The following OR51B5 variants were observed in gnomAD, a reference collection of about 807,000 sequenced individuals.
The protein encoded by OR51B5 is olfactory receptor family 51 subfamily B member 5, also known as olfactory receptor 51B5.
For synonymous variants in OR51B5, 186 were observed against 144.8 expected (o/e 1.28, Z -2.04); for missense variants, 456 against 374.6 (o/e 1.22, Z -1.79).
At chr11:5,413,072 C>A (rs370847729) in intron 1 of OR51B5, among the ~76,000 whole-genome samples, 1 of 152,216 alleles carries the variant, frequency 6.6e-6, no homozygotes, top group East Asian at 1.9e-4. Context: ...CGGCCTGATA[C>A]TCCTCTGAGA....
chr11:5,422,828 A>G (rs765775710), intron 1 of OR51B5: 2 of 1,611,988 alleles, frequency 1.2e-6, no homozygotes, highest in Non-Finnish European at 1.7e-6. Flanking sequence ...GCTCATTATT[A>G]TCGTGGATCC....
intron 1 of OR51B5, among the ~76,000 whole-genome samples, chr11:5,498,283 G>A (rs1481809756): frequency 6.6e-6 from 1 of 152,170 alleles, no homozygotes; most frequent in African/African-American, 2.4e-5. Flanking sequence ...GTAGTTCCTG[G>A]ACTATGCCAA....
At chr11:5,446,449 G>A (rs1850765229) in intron 1 of OR51B5, among the ~76,000 whole-genome samples, 3 of 151,990 alleles carry the variant, frequency 2.0e-5, no homozygotes, top group Admixed American at 2.0e-4. Flanking sequence ...AATGAAAAAA[G>A]GATGAAGCAA....
At chr11:5,342,801 G>A (rs1848917710) in exon 1 of OR51B5, 1 of 1,613,492 alleles carries the variant, frequency 6.2e-7, no homozygotes, top group Non-Finnish European at 8.5e-7. Context: ...CAGCAGATAT[G>A]GGAGACACAG....
chr11:5,505,472 G>A (rs891118469), intron 1 of OR51B5: 1 of 1,298,098 alleles, frequency 7.7e-7, no homozygotes, highest in Non-Finnish European at 1.0e-6. Context: ...AGTGGAGTGA[G>A]GGGAAACTGA....
chr11:5,413,122 G>A (rs1037670613), intron 1 of OR51B5, among the ~76,000 whole-genome samples: 3 of 152,220 alleles, frequency 2.0e-5, no homozygotes, highest in Admixed American at 6.5e-5. Context: ...AGCATTCGCG[G>A]TTCACGAAAA....
At chr11:5,371,844 C>A (rs987221736) in intron 1 of OR51B5, among the ~76,000 whole-genome samples, 3 of 152,140 alleles carry the variant, frequency 2.0e-5, no homozygotes, top group African/African-American at 7.2e-5. Flanking sequence ...TACACTAGAT[C>A]TCTAAACTTA....
At chr11:5,463,172 T>C (rs1009071250) in intron 1 of OR51B5, among the ~76,000 whole-genome samples, 1 of 152,232 alleles carries the variant, frequency 6.6e-6, no homozygotes, top group Non-Finnish European at 1.5e-5. Context: ...AATTATCCAT[T>C]GAATAGGCAA....
At chr11:5,464,399 T>C (rs1408708016) in intron 1 of OR51B5, among the ~76,000 whole-genome samples, 1 of 152,064 alleles carries the variant, frequency 6.6e-6, no homozygotes, top group Non-Finnish European at 1.5e-5. Flanking sequence ...TAACTCGTCA[T>C]CTAGCGTTAG....
intron 1 of OR51B5, among the ~76,000 whole-genome samples, chr11:5,354,035 GT>G (rs1364767422): frequency 1.3e-5 from 2 of 152,098 alleles, no homozygotes; most frequent in East Asian, 3.9e-4. Context: ...ATATAACATA[GT>G]TCTTATTCCC....
chr11:5,358,719 A>T (rs1849233042), intron 1 of OR51B5, among the ~76,000 whole-genome samples: 1 of 152,172 alleles, frequency 6.6e-6, no homozygotes, highest in South Asian at 2.1e-4. Flanking sequence ...AATATCCCTG[A>T]TGGACATCGA....
At chr11:5,444,907 C>T (rs1479108079) in intron 1 of OR51B5, among the ~76,000 whole-genome samples, 2 of 152,168 alleles carry the variant, frequency 1.3e-5, no homozygotes, top group African/African-American at 4.8e-5. Flanking sequence ...GGAATGTAAA[C>T]ACACTGCATA....
intron 1 of OR51B5, among the ~76,000 whole-genome samples, chr11:5,417,752 A>G (rs2133756535): frequency 6.7e-6 from 1 of 150,072 alleles, no homozygotes; most frequent in South Asian, 2.2e-4. Flanking sequence ...TAGAATGGCA[A>G]TCATTAAAAA....
downstream of OR51B5, chr11:5,341,145 T>C (rs931581746): frequency 6.6e-6 from 1 of 152,146 alleles, no homozygotes; most frequent in Non-Finnish European, 1.5e-5. Context: ...ATACCTGAGA[T>C]AGGGATTCAA....
chr11:5,505,127 T>C lies in OR51B5; in HGVS notation n.84+442A>G, dbSNP rs988739044. 1.4e-4 allele frequency among the ~76,000 whole-genome samples: 22 copies of C among 152,354 alleles called. 1 individual carries two copies. The highest frequency in any genetic ancestry group is 5.3e-4 in the African/African-American group (22 of 41,572). On this transcript the variant is annotated intron_variant and non_coding_transcript_variant, in intron 1 of 4. Transcript: ENST00000415970. ...CCATTAGGTGTTTTTTTGTTTTGTT[T>C]TGTTTTTGCTTTTTTCCTCAGACCC...
At chr11:5,445,443 T>C (rs10838119) in intron 1 of OR51B5, among the ~76,000 whole-genome samples, 73,655 of 151,880 alleles carry the variant, frequency 0.48, 19,407 homozygotes, top group Non-Finnish European at 0.59. Context: ...TTTACTCCAT[T>C]ACTATATGGA....
chr11:5,372,425 A>G (rs775537864), intron 1 of OR51B5, among the ~76,000 whole-genome samples: 2 of 151,878 alleles, frequency 1.3e-5, no homozygotes, highest in Non-Finnish European at 2.9e-5. Context: ...AGCCTCTCCA[A>G]CCCCTATCTC....
At chr11:5,364,354 A>C (rs1849334258) in intron 1 of OR51B5, among the ~76,000 whole-genome samples, 2 of 152,212 alleles carry the variant, frequency 1.3e-5, no homozygotes, top group Admixed American at 6.5e-5. Context: ...AGCCAAATGC[A>C]GAAACAGGAG....
intron 1 of OR51B5, among the ~76,000 whole-genome samples, chr11:5,475,677 T>C (rs573302435): frequency 3.3e-4 from 50 of 152,316 alleles, no homozygotes; most frequent in African/African-American, 1.0e-3. Context: ...CTTTCTTCTA[T>C]GTTATTATGT....
Sources: allele counts gnomAD v4.1 joint callset (sites outside exome capture counted in the v4.1 genomes callset), GRCh38; gene constraint gnomAD v4.1.1; transcripts MANE v1.5; gene names NCBI Gene and HGNC (gene_info 2026-07-23, HGNC 2026-07-21).